The following DENND1B variants were observed in gnomAD, a reference collection of about 807,000 sequenced individuals.
DENND1B encodes DENN domain-containing protein 1B.
DENND1B carries 59 observed loss-of-function variants against 90.1 expected under a neutral mutation model. The observed-to-expected ratio is 0.65, with a 90% CI of 0.53 to 0.81. DENND1B has a LOEUF of 0.81. Among genes scored for constraint, DENND1B ranks in the 40% least tolerant of loss-of-function variants. DENND1B has a pLI of 0.00. For missense variants in DENND1B, 862 were observed against 912.6 expected, an observed-to-expected ratio of 0.94 and a Z score of 0.71; for synonymous variants, 337 against 324.6, an observed-to-expected ratio of 1.04 and a Z score of -0.41.
intron 2 of DENND1B, among the ~76,000 whole-genome samples, chr1:197,771,807 A>G (rs1476850005): frequency 6.6e-6 from 1 of 152,186 alleles, no homozygotes; most frequent in Non-Finnish European, 1.5e-5. Context: ...ACAGCAAGTA[A>G]AGACATATAC....
At chr1:197,746,629 A>G in intron 2 of DENND1B, 1 of 618,718 alleles carries the variant, frequency 1.6e-6, no homozygotes, top group South Asian at 1.8e-5. Flanking sequence ...AAACTCCCAA[A>G]TTTTATGCTT....
chr1:197,624,719 G>A (rs944543542), intron 10 of DENND1B, among the ~76,000 whole-genome samples: 3 of 151,808 alleles, frequency 2.0e-5, no homozygotes, highest in South Asian at 2.1e-4. Context: ...AAACTACTCT[G>A]AGCTACAGGA....
intron 14 of DENND1B, among the ~76,000 whole-genome samples, chr1:197,586,730 A>G (rs11583319): frequency 0.23 from 34,380 of 152,078 alleles, 4,035 homozygotes; most frequent in Middle Eastern, 0.37. Flanking sequence ...CACTCTCAGG[A>G]AAAAGGTATT....
chr1:197,746,937 T>A (rs1663814008), intron 2 of DENND1B: 7 of 1,433,478 alleles, frequency 4.9e-6, no homozygotes, highest in Non-Finnish European at 6.9e-6. Flanking sequence ...TTTTTCTGAG[T>A]TCCTCAGTCT....
rs182812360 is a variant in DENND1B at position 197,663,798 on chromosome 1, T to C, written c.297-5429A>G. Among the ~76,000 whole-genome samples, 32 of 152,142 alleles carry C rather than the reference T, an allele frequency of 2.1e-4. No homozygotes were observed. The East Asian group carries it at 5.2e-3, about 25-fold the overall frequency. On this transcript the variant is annotated intron_variant, in intron 5 of 22. Transcript: ENST00000620048. ...ATTTGAGCCCCTTACCTGGTCTACA[T>C]AGGTAATTGAATTCACAACTCCTGA...
At chr1:197,522,622 T>C (rs1668853648) in intron 20 of DENND1B, among the ~76,000 whole-genome samples, 1 of 152,104 alleles carries the variant, frequency 6.6e-6, no homozygotes, top group Non-Finnish European at 1.5e-5. Context: ...GCTTCTAATA[T>C]CACTTCCACT....
chr1:197,541,067 AAAGAATAAGTATAC>A, intron 18 of DENND1B, 52 bp from the exon 19 acceptor site: 1 of 1,473,194 alleles, frequency 6.8e-7, no homozygotes, highest in Non-Finnish European at 9.4e-7. Flanking sequence ...ATTACCATTT[AAAGAATAAGTATAC>A]AAGATCAAAT....
intron 5 of DENND1B, among the ~76,000 whole-genome samples, chr1:197,662,496 T>C (rs1654507149): frequency 2.6e-5 from 4 of 152,054 alleles, no homozygotes; most frequent in Admixed American, 1.3e-4. Flanking sequence ...ACCTGAGTAA[T>C]ATATGCTCAG....
Position 197,736,351 on chromosome 1 carries a change from T to C in DENND1B, c.83-21277A>G, listed in dbSNP as rs555521921. Among the ~76,000 whole-genome samples, 10 of 150,366 alleles carry C rather than the reference T, an allele frequency of 6.7e-5. No individual in the cohort carries two copies. The South Asian group carries it at 2.1e-3, about 31-fold the overall frequency. ...CTTTCTACCTGTCTGTCTGTCTCTC[T>C]ATCTATCTATCTATCGAGACAGGAT... On this transcript the variant is annotated intron_variant, in intron 2 of 22. Coordinates refer to ENST00000620048, the MANE Select transcript of DENND1B (RefSeq NM_001195215.2).
intron 14 of DENND1B, among the ~76,000 whole-genome samples, chr1:197,590,088 T>C (rs1407540999): frequency 6.6e-6 from 1 of 152,198 alleles, no homozygotes; most frequent in Non-Finnish European, 1.5e-5. Flanking sequence ...TATTGTCATG[T>C]TTAAGGCAGT....
chr1:197,634,181 A>G (rs1679574320), intron 10 of DENND1B, among the ~76,000 whole-genome samples: 1 of 152,120 alleles, frequency 6.6e-6, no homozygotes, highest in Admixed American at 6.5e-5. Context: ...TAGCTGCTTT[A>G]TATTTGTTAT....
At chr1:197,564,338 C>T (rs1053227140) in intron 15 of DENND1B, among the ~76,000 whole-genome samples, 1 of 138,944 alleles carries the variant, frequency 7.2e-6, no homozygotes, top group African/African-American at 2.7e-5. Context: ...CAACCTTCTA[C>T]AGCCACCTCC....
intron 3 of DENND1B, among the ~76,000 whole-genome samples, chr1:197,683,974 C>T (rs936688201): frequency 6.6e-6 from 1 of 152,120 alleles, no homozygotes; most frequent in East Asian, 1.9e-4. Context: ...TTTTCAACTT[C>T]GGAGGTGCCC....
At chr1:197,692,027 C>T (rs528720577) in intron 3 of DENND1B, among the ~76,000 whole-genome samples, 76 of 151,816 alleles carry the variant, frequency 5.0e-4, no homozygotes, top group African/African-American at 1.6e-3. Flanking sequence ...TGAATAAGTT[C>T]TAGAGGTCTG....
chr1:197,752,829 C>T (rs920711619), intron 2 of DENND1B, among the ~76,000 whole-genome samples: 2 of 151,870 alleles, frequency 1.3e-5, no homozygotes, highest in African/African-American at 2.4e-5. Context: ...TGTTCCCCAC[C>T]CTGTGTCCAA....
At chr1:197,761,312 T>C (rs191835138) in intron 2 of DENND1B, among the ~76,000 whole-genome samples, 19 of 152,204 alleles carry the variant, frequency 1.2e-4, no homozygotes, top group African/African-American at 4.6e-4. Flanking sequence ...ATTTTCTAAA[T>C]ATTATATTAC....
chr1:197,685,681 A>C (rs1201871635), intron 3 of DENND1B: 1 of 152,206 alleles, frequency 6.6e-6, no homozygotes, highest in African/African-American at 2.4e-5. Flanking sequence ...GAGAAGGAAC[A>C]AAGAAATGTT....
intron 8 of DENND1B, 114 bp downstream of exon 8, chr1:197,646,941 G>A (rs1360583446): frequency 3.2e-5 from 23 of 709,924 alleles, no homozygotes; most frequent in Non-Finnish European, 4.5e-6. Context: ...TTTCTTAAGA[G>A]TCAAATTCAC....
chr1:197,584,547 T>C (rs1174130911), intron 14 of DENND1B, among the ~76,000 whole-genome samples: 1 of 152,056 alleles, frequency 6.6e-6, no homozygotes, highest in Non-Finnish European at 1.5e-5. Context: ...AAAACAAAAT[T>C]CAAACAAATT....
Sources: gnomAD v4.1 joint callset for allele counts (sites outside exome capture counted in the v4.1 genomes callset) on GRCh38, gnomAD v4.1.1 for gene constraint, MANE v1.5 for transcripts, NCBI Gene and HGNC (gene_info 2026-07-23, HGNC 2026-07-21) for gene names.